Variants in ZNF592 observed in about 807,000 individuals in gnomAD.
ZNF592 encodes the protein zinc finger protein 592, also known as spinocerebellar ataxia, autosomal recessive 5.
Under a neutral mutation model 80.3 loss-of-function variants are expected in ZNF592, and 11 were observed. The observed-to-expected ratio is 0.14, with a 90% CI of 0.09 to 0.23. ZNF592 has a LOEUF of 0.23. ZNF592 is among the 10% of genes least tolerant of loss of function. The pLI is 1.00. For missense variants in ZNF592, 1,420 were observed against 1,633.9 expected, an observed-to-expected ratio of 0.87 and a Z score of 2.26; for synonymous variants, 646 against 640.3, an observed-to-expected ratio of 1.01 and a Z score of -0.13.
chr15:84,801,923 G>T lies in ZNF592; in HGVS notation c.3334G>T (p.Ala1112Ser). The T allele has an allele frequency of 1.9e-6, 3 of 1,613,928 alleles. No homozygotes were observed. Among genetic ancestry groups the T allele is most frequent in the South Asian group, 1.1e-5 (1 of 91,080 alleles). ...VGDAPGTSNG[A>S]TVSSTKRHKS... ...GGACGCTCCAGGCACCAGCAATGGC[G>T]CAACTGTCTCTTCCACCAAAAGGCA... Residue 1112 changes from alanine (A) to serine (S), a missense_variant, in exon 11 of 11, where the codon GCA becomes TCA. Physicochemically the swap from Ala to Ser is moderately conservative, Grantham distance 99 (BLOSUM62 1). Coordinates refer to ENST00000560079, the MANE Select transcript of ZNF592 (RefSeq NM_014630.3).
rs925593173 is a variant in ZNF592 at position 84,806,085 on chromosome 15, A to G, written c.*3692A>G. 7.2e-5 allele frequency: 11 copies of G among 152,634 alleles called. No homozygotes were observed. Among genetic ancestry groups the G allele is most frequent in the African/African-American group, 2.7e-4 (11 of 41,452 alleles). The allele number at this position is 152,634 out of a possible 1,614,324, so 9.5% of individuals were successfully genotyped here. On this transcript the variant is annotated 3_prime_UTR_variant, in exon 11 of 11. Transcript: ENST00000560079. ...GTTCCTTGCATATAACAGTGATTCA[A>G]AAAGTATATGGATGAATGAGTGAAT...
rs1363137202 is a variant in ZNF592 at position 84,803,932 on chromosome 15, G to C, written c.*1539G>C. The C allele has an allele frequency of 1.3e-5, 2 of 152,228 alleles. No homozygotes were observed. Among genetic ancestry groups the C allele is most frequent in the Non-Finnish European group, 2.9e-5 (2 of 68,054 alleles). 9.4% of individuals were successfully genotyped at this position (152,228 alleles called of 1,614,324 possible). ...GTAAAGGGAAGAGGGTGCTGGCCGG[G>C]TGCTTAGAGGTCATCTTTCAAGGAG... On this transcript the variant is annotated 3_prime_UTR_variant, in exon 11 of 11. Coordinates refer to ENST00000560079, the MANE Select transcript of ZNF592 (RefSeq NM_014630.3).
chr15:84,767,677 G>C (rs1355024143), intron 2 of ZNF592, among the ~76,000 whole-genome samples: 3 of 151,872 alleles, frequency 2.0e-5, no homozygotes, highest in Admixed American at 2.0e-4. Context: ...CCTAGTTTCT[G>C]CTTGTCCCAG....
intron 1 of ZNF592, among the ~76,000 whole-genome samples, chr15:84,754,287 G>A (rs183346448): frequency 4.6e-5 from 7 of 152,232 alleles, no homozygotes; most frequent in Non-Finnish European, 7.4e-5. Context: ...AGCTGGGCAC[G>A]GTGGCTCGTG....
At position 84,806,113 on chromosome 15, in the gene ZNF592, T is replaced by C. The variant is rs1170163310; in HGVS notation, c.*3720T>C. ...AGTATATGGATGAATGAGTGAATGC[T>C]GCATGAATGAATGAATCTGATTCAA... On this transcript the variant is annotated 3_prime_UTR_variant, in exon 11 of 11. Transcript: ENST00000560079. The C allele has an allele frequency of 6.6e-6, 1 of 152,610 alleles. No homozygotes were observed. Among genetic ancestry groups the C allele is most frequent in the East Asian group, 1.9e-4 (1 of 5,198 alleles). 9.5% of individuals were successfully genotyped at this position (152,610 alleles called of 1,614,324 possible).
chr15:84,773,067 T>C (rs372214409), intron 2 of ZNF592, among the ~76,000 whole-genome samples: 5 of 152,108 alleles, frequency 3.3e-5, no homozygotes, highest in African/African-American at 1.2e-4. Context: ...CTCAGAGCCT[T>C]TTTTATTTTT....
At chr15:84,778,566 A>C (rs770997731) in intron 3 of ZNF592, among the ~76,000 whole-genome samples, 1 of 152,222 alleles carries the variant, frequency 6.6e-6, no homozygotes, top group African/African-American at 2.4e-5. Flanking sequence ...CCCAGTTTCT[A>C]ATGGCCGACT....
chr15:84,792,379 G>A (rs1480891559), intron 5 of ZNF592, among the ~76,000 whole-genome samples: 1 of 152,192 alleles, frequency 6.6e-6, no homozygotes, highest in African/African-American at 2.4e-5. Flanking sequence ...GTTTTAGAAA[G>A]ATCATTCTGG....
chr15:84,798,127 G>C lies in ZNF592; in HGVS notation c.2576+82G>C. ...GCTGTAGGGGGTGGCATAGGGATGG[G>C]TGAGGGAGCTGGGGTTAGTGGCAGA... On this transcript the variant is annotated intron_variant, in intron 6 of 10. Transcript: ENST00000560079. This position sits in a 1 kb window ranked among gnomAD's most constrained non-coding sequence, Gnocchi z 4.5. The C allele has an allele frequency of 6.3e-7, 1 of 1,585,922 alleles. No homozygotes were observed. The highest frequency in any genetic ancestry group is 1.1e-5 in the South Asian group (1 of 89,896).
chr15:84,759,366 G>A (rs1899274776), intron 1 of ZNF592, among the ~76,000 whole-genome samples: 2 of 152,190 alleles, frequency 1.3e-5, no homozygotes, highest in South Asian at 4.1e-4. Context: ...TACCCAAAAT[G>A]TACTGAATGG....
intron 1 of ZNF592, among the ~76,000 whole-genome samples, chr15:84,753,716 G>C (rs555535435): frequency 6.6e-6 from 1 of 152,150 alleles, no homozygotes; most frequent in Non-Finnish European, 1.5e-5. Context: ...CAAATGATCC[G>C]CCTGCCTTGG....
rs147064584 is a variant in ZNF592 at position 84,750,037 on chromosome 15, C to T, written c.-259+1373C>T. 5.0e-3 allele frequency among the ~76,000 whole-genome samples: 758 copies of T among 152,332 alleles called. 33 individuals carry two copies. The East Asian group carries it at 0.1, about 20-fold the overall frequency. ...ATAGTCGTGGCCGGGCGCGGTGGCTCGCGCCTGTAATCCCAGCACTTTGGG... is the reference window on the plus strand; with the variant it reads ...ATAGTCGTGGCCGGGCGCGGTGGCTTGCGCCTGTAATCCCAGCACTTTGGG... On this transcript the variant is annotated intron_variant, in intron 1 of 10. Transcript: ENST00000560079.
At position 84,783,054 on chromosome 15, in the gene ZNF592, C is replaced by A. The variant is rs199775065; in HGVS notation, c.379C>A (p.Leu127Met). 6.1e-4 allele frequency: 979 copies of A among 1,614,196 alleles called. 10 individuals carry two copies. The South Asian group carries it at 0.01, about 17-fold the overall frequency. Residue 127 changes from leucine (L) to methionine (M), a missense_variant, in exon 4 of 11, where the codon CTG (leucine) becomes ATG (methionine). By Grantham distance (15) the Leu-to-Met change is conservative. Around this residue, in one of 7 missense-constraint regions of ZNF592, gnomAD observed 373 missense variants for 355.5 expected, o/e 1.05. Coordinates refer to ENST00000560079, the MANE Select transcript of ZNF592 (RefSeq NM_014630.3). This position sits in a 1 kb window ranked among gnomAD's most constrained non-coding sequence, Gnocchi z 5.0. ...GDSARSFPGKLEPPKSEPLPT... is the reference protein window; with the variant it reads ...GDSARSFPGKMEPPKSEPLPT... Reference sequence around the variant, plus strand: ...CAGTGCCAGGAGTTTCCCTGGCAAACTGGAGCCTCCCAAGTCAGAGCCATT... The same window carrying A: ...CAGTGCCAGGAGTTTCCCTGGCAAAATGGAGCCTCCCAAGTCAGAGCCATT...
chr15:84,799,123 A>C lies in ZNF592; in HGVS notation c.3050A>C (p.Gln1017Pro). Residue 1017 changes from glutamine (Q) to proline (P), a missense_variant, in exon 9 of 11, where the codon CAG becomes CCG. Physicochemically the swap from Gln to Pro is moderately conservative, Grantham distance 76. This residue lies in a region of ZNF592 where 331 missense variants were observed against 347.0 expected (regional missense o/e 0.95). Coordinates refer to ENST00000560079, the MANE Select transcript of ZNF592 (RefSeq NM_014630.3). This position sits in a 1 kb window ranked among gnomAD's most constrained non-coding sequence, Gnocchi z 4.2. ...ACATTGAAGCGGTACCCATGCCGGC[A>C]GTGTGAACAGTCCTTCCACACCCCC... ...GRTLKRYPCR[Q>P]CEQSFHTPNS... 1 of 1,614,174 alleles carries C rather than the reference A, an allele frequency of 6.2e-7. No homozygotes were observed. Among genetic ancestry groups the C allele is most frequent in the Non-Finnish European group, 8.5e-7 (1 of 1,180,024 alleles).
intron 1 of ZNF592, among the ~76,000 whole-genome samples, chr15:84,758,285 TA>T (rs912410741): frequency 9.2e-5 from 14 of 152,060 alleles, no homozygotes; most frequent in African/African-American, 1.4e-4. Context: ...GTTAATCCTT[TA>T]AAAAAAATTT....
chr15:84,771,235 A>G (rs1237516548), intron 2 of ZNF592, among the ~76,000 whole-genome samples: 2 of 152,196 alleles, frequency 1.3e-5, no homozygotes, highest in Non-Finnish European at 1.5e-5. Context: ...AAGTGCTGCC[A>G]TAGAGGAAGA....
rs373368335 is a variant in ZNF592 at position 84,783,105 on chromosome 15, A to G, written c.430A>G (p.Ile144Val). The G allele has an allele frequency of 3.1e-5, 50 of 1,614,084 alleles. No homozygotes were observed. Among genetic ancestry groups the G allele is most frequent in the South Asian group, 1.2e-4 (11 of 91,080 alleles). The change falls in exon 4 of 11, where the codon ATC becomes GTC. Residue 144 changes from isoleucine to valine, a missense_variant. Transcript: ENST00000560079. This position sits in a 1 kb window ranked among gnomAD's most constrained non-coding sequence, Gnocchi z 5.0. ...ACCCACCTTCAACCAGTTCAGTCCA[A>G]TCTCCAGCCCAGAACCTGAGGATCC... ...PLPTFNQFSPISSPEPEDPIK... is the reference protein window; with the variant it reads ...PLPTFNQFSPVSSPEPEDPIK...
intron 2 of ZNF592, 40 bp from the exon 3 acceptor site, chr15:84,778,142 AT>A (rs1426779368): frequency 1.3e-5 from 2 of 152,870 alleles, no homozygotes; most frequent in African/African-American, 4.8e-5. Context: ...TATTTTACTT[AT>A]TGCTTTGTAA....
chr15:84,777,555 A>G lies in ZNF592; in HGVS notation c.-149-628A>G, dbSNP rs958609672. Among the ~76,000 whole-genome samples the G allele has an allele frequency of 2.0e-5, 3 of 152,130 alleles. No individual in the cohort carries two copies. The East Asian group carries it at 5.8e-4, about 29-fold the overall frequency. Reference sequence around the variant, plus strand: ...CTTGAACTCCTAGGCTCAAGCGGTCATCCCACCTTGTGGGAAAATAATAAC... The same window carrying G: ...CTTGAACTCCTAGGCTCAAGCGGTCGTCCCACCTTGTGGGAAAATAATAAC... On this transcript the variant is annotated intron_variant, in intron 2 of 10. Transcript: ENST00000560079.
Sources: allele counts gnomAD v4.1 joint callset (sites outside exome capture counted in the v4.1 genomes callset), GRCh38; gene constraint gnomAD v4.1.1; regional missense constraint gnomAD v4.1.1; non-coding constraint Gnocchi (gnomAD v3.1); transcripts MANE v1.5; gene names NCBI Gene and HGNC (gene_info 2026-07-23, HGNC 2026-07-21).